The following COL4A4 variants were observed in gnomAD, a reference collection of about 807,000 sequenced individuals.
The protein encoded by COL4A4 is collagen type IV alpha 4 chain, also known as collagen alpha-4(IV) chain.
Under a neutral mutation model 192.9 loss-of-function variants are expected in COL4A4, and 105 were observed. That is an observed-to-expected ratio of 0.54 (90% CI 0.46 to 0.64). The LOEUF (loss-of-function observed/expected upper bound fraction) is 0.64, where lower values mean the gene tolerates loss of function less well. Ranked by LOEUF, COL4A4 falls within the 30% of genes least tolerant of loss-of-function variation. COL4A4 has a pLI of 0.00. For missense variants in COL4A4, 1,967 were observed against 2,169.3 expected (o/e 0.91, Z 1.85); for synonymous variants, 762 against 769.9 (o/e 0.99, Z 0.17).
At chr2:227,103,293 C>T in intron 13 of COL4A4, 96 bp from the exon 14 acceptor site, 1 of 987,522 alleles carries the variant, frequency 1.0e-6, no homozygotes, top group Non-Finnish European at 1.6e-6. Context: ...CAATCTGTTT[C>T]ACCTTAAAAA....
chr2:227,028,021 A>AT lies in COL4A4; in HGVS notation c.3974-13_3974-12insA. 1 of 1,559,898 alleles carries AT rather than the reference A, an allele frequency of 6.4e-7. No homozygotes were observed. The highest frequency in any genetic ancestry group is 8.8e-7 in the Non-Finnish European group (1 of 1,137,506). ...GAATCCCACTGGTCCTTAAAAAAAA[A>AT]CAAAACATAAAAATGAGGGCACTGG... On this transcript the variant is annotated splice_polypyrimidine_tract_variant and intron_variant, in intron 41 of 47. Coordinates refer to ENST00000396625, the MANE Select transcript of COL4A4 (RefSeq NM_000092.5).
At chr2:227,085,148 A>C (rs1390543444) in intron 22 of COL4A4, among the ~76,000 whole-genome samples, 1 of 111,488 alleles carries the variant, frequency 9.0e-6, no homozygotes, top group Non-Finnish European at 2.0e-5. Context: ...AAACAAAAGC[A>C]AAACGAAACA....
intron 1 of COL4A4, among the ~76,000 whole-genome samples, chr2:227,147,864 A>G (rs1304241858): frequency 6.7e-6 from 1 of 149,506 alleles, no homozygotes; most frequent in East Asian, 1.9e-4. Flanking sequence ...ATATTTTTAT[A>G]TATGTATAAA....
chr2:227,109,474 C>A (rs768197508), intron 9 of COL4A4, 188 bp from the exon 10 acceptor site: 2 of 704,630 alleles, frequency 2.8e-6, no homozygotes, highest in East Asian at 2.7e-5. Flanking sequence ...GCAGTCCGGG[C>A]ACGGTGGTTC....
intron 36 of COL4A4, among the ~76,000 whole-genome samples, chr2:227,042,506 C>T (rs368075791): frequency 2.0e-5 from 3 of 152,182 alleles, no homozygotes; most frequent in South Asian, 4.1e-4. Context: ...GGAATAGTAT[C>T]CATTAAAACA....
intron 37 of COL4A4, among the ~76,000 whole-genome samples, chr2:227,041,856 A>AAGAGAGAGAGAGAGAGAGAG (rs1237060194): frequency 1.0e-5 from 1 of 96,976 alleles, no homozygotes; most frequent in Non-Finnish European, 2.1e-5. Flanking sequence ...AAGAGAAAGA[A>AAGAGAGAGAGAGAGAGAGAG]AGAAAGAAAG....
Position 227,041,824 on chromosome 2 carries a change from GAAAGAAAGAAAGAA to G in COL4A4, c.3505+310_3505+323del, listed in dbSNP as rs1319231231. Among the ~76,000 whole-genome samples the G allele has an allele frequency of 0.022, 958 of 43,928 alleles. 76 individuals are homozygous for G. The highest frequency in any genetic ancestry group is 0.027 in the South Asian group (26 of 980). 28.8% of individuals were successfully genotyped at this position (43,928 alleles called of 152,430 possible). ...AGAAAGGAAGAAAGAAAGAAAGAAAGAAAGAAAGAAAGAAAGAAAGAAAGAGAAAGAAAGAAAGA... is the reference window on the plus strand; with the variant it reads ...AGAAAGGAAGAAAGAAAGAAAGAAAGAGAAAGAAAGAGAAAGAAAGAAAGA... On this transcript the variant is annotated intron_variant, in intron 37 of 47. Transcript: ENST00000396625.
chr2:227,119,915 G>A lies in COL4A4; in HGVS notation c.352C>T (p.Pro118Ser), dbSNP rs1175135285. ...DKGPTGVPGF[P>S]GLDGIPGHPG... is the part of the protein sequence containing the mutation. ...CTTACAGGTATGCCATCTAAACCTGGAAATCCAGGAACACCAGTTGGACCC... is the reference window on the plus strand; with the variant it reads ...CTTACAGGTATGCCATCTAAACCTGAAAATCCAGGAACACCAGTTGGACCC... Residue 118 changes from proline (P) to serine (S), a missense_variant, in exon 6 of 48, where the codon CCA (proline) becomes TCA (serine). Pro to Ser is a moderately conservative substitution (Grantham distance 74). Coordinates refer to ENST00000396625, the MANE Select transcript of COL4A4 (RefSeq NM_000092.5). The A allele has an allele frequency of 7.6e-6, 12 of 1,585,000 alleles. No individual in the cohort carries two copies. Among genetic ancestry groups the A allele is most frequent in the Non-Finnish European group, 9.4e-6 (11 of 1,164,526 alleles).
At chr2:226,983,889 T>C in the COL4A4 span, among the ~76,000 whole-genome samples, 1 of 152,200 alleles carries the variant, frequency 6.6e-6, no homozygotes. Flanking sequence ...CAAAAATGCT[T>C]CTTTATACCT....
intron 25 of COL4A4, among the ~76,000 whole-genome samples, chr2:227,065,193 G>T (rs183678386): frequency 2.0e-5 from 3 of 152,218 alleles, no homozygotes; most frequent in Non-Finnish European, 4.4e-5. Context: ...CTTAAAAAAC[G>T]GCGCACCAGG....
At chr2:227,112,244 T>C (rs2061253020) in intron 8 of COL4A4, among the ~76,000 whole-genome samples, 1 of 152,000 alleles carries the variant, frequency 6.6e-6, no homozygotes, top group Non-Finnish European at 1.5e-5. Context: ...ATGTAAAATA[T>C]ATGTAAGTTA....
the COL4A4 span, among the ~76,000 whole-genome samples, chr2:226,972,854 A>G: frequency 6.6e-6 from 1 of 151,774 alleles, no homozygotes; most frequent in Non-Finnish European, 1.5e-5. Context: ...TAAGTACACA[A>G]GTTACCACAT....
At chr2:226,989,400 G>A in the COL4A4 span, among the ~76,000 whole-genome samples, 1 of 152,332 alleles carries the variant, frequency 6.6e-6, no homozygotes, top group South Asian at 2.1e-4. Flanking sequence ...GTAACTGGAA[G>A]GGGGCTTGTG....
chr2:227,162,217 A>G (rs1360530707), intron 1 of COL4A4, among the ~76,000 whole-genome samples: 1 of 152,224 alleles, frequency 6.6e-6, no homozygotes, highest in East Asian at 1.9e-4. Flanking sequence ...TGTATCTGCA[A>G]CAGAAATGAC....
intron 37 of COL4A4, among the ~76,000 whole-genome samples, chr2:227,039,761 T>C (rs1559471251): frequency 6.6e-6 from 1 of 152,214 alleles, no homozygotes; most frequent in Non-Finnish European, 1.5e-5. Flanking sequence ...GAATACGCCA[T>C]GAAGGCTGTA....
chr2:227,058,037 T>A (rs1975917187), intron 28 of COL4A4, among the ~76,000 whole-genome samples: 1 of 152,200 alleles, frequency 6.6e-6, no homozygotes, highest in African/African-American at 2.4e-5. Flanking sequence ...GGAAAGAACA[T>A]CCCCCATAAT....
chr2:226,996,873 T>C, the COL4A4 span: 1 of 152,224 alleles, frequency 6.6e-6, no homozygotes, highest in African/African-American at 2.4e-5. Context: ...TATGTGTCCA[T>C]TGAGAAAATT....
Position 227,005,701 on chromosome 2 carries a change from C to G in COL4A4, c.*1624G>C, listed in dbSNP as rs1197899920. 1.3e-5 allele frequency: 2 copies of G among 152,160 alleles called. No homozygotes were observed. The highest frequency in any genetic ancestry group is 2.4e-5 in the African/African-American group (1 of 41,438). The allele number at this position is 152,160 out of a possible 1,614,324, so 9.4% of individuals were successfully genotyped here. On this transcript the variant is annotated 3_prime_UTR_variant, in exon 48 of 48. Coordinates refer to ENST00000396625, the MANE Select transcript of COL4A4 (RefSeq NM_000092.5). ...ACAAATCAAGGTTTGGCAAGGAAAA[C>G]ATTTCTTATAAACAAAATTTTAATT...
chr2:226,981,776 G>A, the COL4A4 span, among the ~76,000 whole-genome samples: 2 of 152,308 alleles, frequency 1.3e-5, no homozygotes, highest in African/African-American at 4.8e-5. Context: ...TGGCTTCCCA[G>A]CCACCACAAT....
Sources: allele counts gnomAD v4.1 joint callset (sites outside exome capture counted in the v4.1 genomes callset), GRCh38; gene constraint gnomAD v4.1.1; transcripts MANE v1.5; gene names NCBI Gene and HGNC (gene_info 2026-07-23, HGNC 2026-07-21).